The following FSTL4 variants were observed in gnomAD, a reference collection of about 807,000 sequenced individuals.
FSTL4 encodes the protein follistatin like 4, also known as follistatin-related protein 4.
Under a neutral mutation model 78.2 loss-of-function variants are expected in FSTL4, and 28 were observed. That is an observed-to-expected ratio of 0.36 (90% CI 0.27 to 0.49). The LOEUF (loss-of-function observed/expected upper bound fraction) is 0.49, where lower values mean the gene tolerates loss of function less well. Ranked by LOEUF, FSTL4 falls within the 20% of genes least tolerant of loss-of-function variation. The probability of loss-of-function intolerance (pLI) is 0.98; values close to 1 mark genes in which losing one functional copy is unlikely to be tolerated. For synonymous variants in FSTL4, 422 were observed against 440.5 expected (o/e 0.96, Z 0.53); for missense variants, 922 against 1,084.9 (o/e 0.85, Z 2.11).
intron 4 of FSTL4, among the ~76,000 whole-genome samples, chr5:133,352,118 G>T (rs1377101269): frequency 1.3e-5 from 2 of 151,630 alleles, no homozygotes; most frequent in African/African-American, 4.8e-5. Flanking sequence ...TGATGCTGGG[G>T]TTTAAAATAT....
chr5:133,326,195 G>A (rs1471182811), intron 4 of FSTL4, among the ~76,000 whole-genome samples: 2 of 152,208 alleles, frequency 1.3e-5, no homozygotes, highest in Non-Finnish European at 2.9e-5. Flanking sequence ...TCTTTCTGCT[G>A]CCATTTCTGG....
the FSTL4 span, among the ~76,000 whole-genome samples, chr5:133,633,182 T>TG: frequency 2.0e-5 from 3 of 147,982 alleles, no homozygotes; most frequent in East Asian, 4.0e-4. Flanking sequence ...TTGAGTCTTT[T>TG]GTTACATTTG....
chr5:133,491,857 T>C (rs2112868823), intron 3 of FSTL4, among the ~76,000 whole-genome samples: 1 of 152,316 alleles, frequency 6.6e-6, no homozygotes, highest in East Asian at 1.9e-4. Context: ...ATAAATCCAA[T>C]CCACTAAAAC....
intron 6 of FSTL4, among the ~76,000 whole-genome samples, chr5:133,265,880 GCCT>G: frequency 6.6e-6 from 1 of 152,020 alleles, no homozygotes; most frequent in Non-Finnish European, 1.5e-5. Flanking sequence ...TCTCCTAGGG[GCCT>G]CATTTGCTGT....
intron 4 of FSTL4, among the ~76,000 whole-genome samples, chr5:133,339,672 C>T (rs1172631830): frequency 6.6e-6 from 1 of 152,294 alleles, no homozygotes; most frequent in East Asian, 1.9e-4. Flanking sequence ...TTCCTTTGAC[C>T]CTGAGTCCAG....
intron 4 of FSTL4, among the ~76,000 whole-genome samples, chr5:133,343,878 A>G (rs939252525): frequency 6.6e-6 from 1 of 152,242 alleles, no homozygotes; most frequent in African/African-American, 2.4e-5. Context: ...GAGGGAAACA[A>G]AGTAAAAATC....
intron 3 of FSTL4, among the ~76,000 whole-genome samples, chr5:133,534,899 C>T (rs1261551323): frequency 6.6e-6 from 1 of 152,138 alleles, no homozygotes; most frequent in Non-Finnish European, 1.5e-5. Flanking sequence ...GTGAGCCAAC[C>T]TGCCTCTTAA....
chr5:133,530,448 T>A lies in FSTL4; in HGVS notation c.160+36738A>T, dbSNP rs182408537. Among the ~76,000 whole-genome samples, 3 of 152,310 alleles carry A rather than the reference T, an allele frequency of 2.0e-5. 1 individual carries two copies. The highest frequency in any genetic ancestry group is 2.0e-4 in the Admixed American group (3 of 15,302). On this transcript the variant is annotated intron_variant, in intron 3 of 15. Coordinates refer to ENST00000265342, the MANE Select transcript of FSTL4 (RefSeq NM_015082.2). Reference sequence around the variant, plus strand: ...AGCAGTTCTCAGGGCCCACGTGTAATCCTCAGTCACGTGACATGCATTGTG... The same window carrying A: ...AGCAGTTCTCAGGGCCCACGTGTAAACCTCAGTCACGTGACATGCATTGTG...
intron 3 of FSTL4, among the ~76,000 whole-genome samples, chr5:133,559,161 G>A (rs1759861818): frequency 6.6e-6 from 1 of 152,206 alleles, no homozygotes; most frequent in Non-Finnish European, 1.5e-5. Flanking sequence ...TTGCCAAGCA[G>A]CAATGAGATA....
chr5:133,246,027 G>T (rs1474414942), intron 7 of FSTL4, among the ~76,000 whole-genome samples: 1 of 152,154 alleles, frequency 6.6e-6, no homozygotes, highest in Admixed American at 6.5e-5. Context: ...TAGTGAAAAA[G>T]TGGTTAATAT....
At chr5:133,737,207 G>T in the FSTL4 span, among the ~76,000 whole-genome samples, 1 of 151,948 alleles carries the variant, frequency 6.6e-6, no homozygotes, top group Non-Finnish European at 1.5e-5. Flanking sequence ...AGAAAAAAAT[G>T]GGTATATTTT....
intron 3 of FSTL4, among the ~76,000 whole-genome samples, chr5:133,475,093 C>T (rs1005603103): frequency 2.0e-5 from 3 of 152,212 alleles, no homozygotes; most frequent in Non-Finnish European, 4.4e-5. Flanking sequence ...CAGGACATGG[C>T]CCGGGCAGGC....
chr5:133,379,930 C>T (rs780006197), intron 4 of FSTL4, among the ~76,000 whole-genome samples: 2 of 152,088 alleles, frequency 1.3e-5, no homozygotes, highest in African/African-American at 2.4e-5. Flanking sequence ...CAAAAATTAG[C>T]TGGGTGTGGT....
the FSTL4 span, among the ~76,000 whole-genome samples, chr5:133,775,866 G>A: frequency 7.2e-5 from 11 of 152,274 alleles, no homozygotes; most frequent in East Asian, 1.7e-3. Context: ...TCTAAAAGAC[G>A]ATGGTGAAGG....
At chr5:133,769,758 T>C in the FSTL4 span, among the ~76,000 whole-genome samples, 1 of 152,236 alleles carries the variant, frequency 6.6e-6, no homozygotes, top group Admixed American at 6.5e-5. Flanking sequence ...TATATACATA[T>C]ATTGCATAGT....
the FSTL4 span, among the ~76,000 whole-genome samples, chr5:133,744,801 G>T: frequency 6.6e-6 from 1 of 152,184 alleles, no homozygotes; most frequent in South Asian, 2.1e-4. Flanking sequence ...AATTTCCTTA[G>T]AGTATTTTAA....
At chr5:133,476,996 A>G (rs1360872717) in intron 3 of FSTL4, among the ~76,000 whole-genome samples, 1 of 152,218 alleles carries the variant, frequency 6.6e-6, no homozygotes, top group Non-Finnish European at 1.5e-5. Flanking sequence ...CATCTGGCAC[A>G]CAGTACGTCC....
chr5:133,567,023 T>A (rs1760040525), intron 3 of FSTL4, among the ~76,000 whole-genome samples, 163 bp downstream of exon 3: 1 of 152,310 alleles, frequency 6.6e-6, no homozygotes, highest in African/African-American at 2.4e-5. Flanking sequence ...CTTCAGTCCA[T>A]GCAGTCCCTA....
chr5:133,502,046 G>C (rs1194038105), intron 3 of FSTL4, among the ~76,000 whole-genome samples: 1 of 152,230 alleles, frequency 6.6e-6, no homozygotes, highest in African/African-American at 2.4e-5. Flanking sequence ...GGGGCAGGAA[G>C]GCCTCCTTTC....
Sources: gnomAD v4.1 joint callset for allele counts (sites outside exome capture counted in the v4.1 genomes callset) on GRCh38, gnomAD v4.1.1 for gene constraint, MANE v1.5 for transcripts, NCBI Gene and HGNC (gene_info 2026-07-23, HGNC 2026-07-21) for gene names.